Variants in WFDC8 observed in about 807,000 individuals in gnomAD.
WFDC8 encodes the protein WAP four-disulfide core domain 8.
A neutral mutation model predicts 27.0 loss-of-function variants in WFDC8; 24 were observed. The ratio of observed to expected loss-of-function variants is 0.89; its 90% CI spans 0.64 to 1.25. The LOEUF (loss-of-function observed/expected upper bound fraction) is 1.25. Among genes scored for constraint, WFDC8 ranks in the 50% most tolerant of loss-of-function variants. WFDC8 has a pLI of 0.00. For missense variants in WFDC8, 287 were observed against 295.9 expected (o/e 0.97, Z 0.22); for synonymous variants, 106 against 99.7 (o/e 1.06, Z -0.38).
intron 1 of WFDC8, among the ~76,000 whole-genome samples, chr20:45,571,860 T>G (rs1034156792): frequency 2.0e-5 from 3 of 152,242 alleles, no homozygotes; most frequent in South Asian, 2.1e-4. Flanking sequence ...TATACCACTT[T>G]TTTACCCATT....
intron 3 of WFDC8, 116 bp from the exon 4 acceptor site, chr20:45,555,984 A>G (rs938615416): frequency 2.8e-6 from 3 of 1,067,436 alleles, no homozygotes; most frequent in East Asian, 2.5e-5. Flanking sequence ...AAAAGGAGCC[A>G]TGGCAGGGGA....
chr20:45,570,116 C>T (rs1980819107), intron 1 of WFDC8, among the ~76,000 whole-genome samples: 1 of 151,996 alleles, frequency 6.6e-6, no homozygotes, highest in Non-Finnish European at 1.5e-5. Context: ...TCAAAACAAT[C>T]TGTACAACAA....
intron 5 of WFDC8, among the ~76,000 whole-genome samples, chr20:45,552,927 A>G (rs777726571): frequency 6.6e-6 from 1 of 152,234 alleles, no homozygotes; most frequent in Non-Finnish European, 1.5e-5. Flanking sequence ...GAGCAATGCT[A>G]TGAATTACTG....
intron 2 of WFDC8, among the ~76,000 whole-genome samples, chr20:45,560,503 G>GCAT (rs1157741366): frequency 6.6e-6 from 1 of 152,196 alleles, no homozygotes; most frequent in African/African-American, 2.4e-5. Flanking sequence ...TCTAAACTGA[G>GCAT]CATCCCTCCA....
At position 45,571,233 on chromosome 20, in the gene WFDC8, G is replaced by T. The variant is rs183117070; in HGVS notation, c.26+7989C>A. Among the ~76,000 whole-genome samples, 497 of 151,942 alleles carry T rather than the reference G, an allele frequency of 3.3e-3. 3 individuals are homozygous for T. The highest frequency in any genetic ancestry group is 0.011 in the African/African-American group (470 of 41,438). On this transcript the variant is annotated intron_variant, in intron 1 of 5. Transcript: ENST00000289953. ...TTATTTGCCTTTCTTTTTCCAACTT[G>T]AAATGGATCATTGGTCAATTTCATT...
chr20:45,561,472 C>G (rs1476018971), intron 2 of WFDC8, among the ~76,000 whole-genome samples: 2 of 152,188 alleles, frequency 1.3e-5, no homozygotes, highest in African/African-American at 2.4e-5. Context: ...CATTTGGCAT[C>G]AACAGGTCCA....
intron 4 of WFDC8, among the ~76,000 whole-genome samples, chr20:45,553,672 G>T (rs1980130342): frequency 6.6e-6 from 1 of 152,168 alleles, no homozygotes; most frequent in African/African-American, 2.4e-5. Context: ...TTTTGAAAGG[G>T]TCATTGTGAC....
chr20:45,576,687 T>C (rs1477683016), intron 1 of WFDC8, among the ~76,000 whole-genome samples: 2 of 151,540 alleles, frequency 1.3e-5, no homozygotes, highest in Non-Finnish European at 3.0e-5. Flanking sequence ...CGTGAGCCAA[T>C]GTGCCCAGCC....
intron 1 of WFDC8, among the ~76,000 whole-genome samples, chr20:45,564,674 C>CAAAA (rs59225489): frequency 1.7e-5 from 2 of 119,684 alleles, no homozygotes; most frequent in African/African-American, 3.0e-5. Flanking sequence ...GACTCTGTCT[C>CAAAA]AAAAAAAAAA....
chr20:45,562,001 A>G, intron 2 of WFDC8, 109 bp downstream of exon 2: 1 of 1,000,310 alleles, frequency 1.0e-6, no homozygotes, highest in Non-Finnish European at 1.5e-6. Flanking sequence ...TGTGGCCCCA[A>G]ATCCACAGTA....
intron 1 of WFDC8, chr20:45,568,738 A>G: frequency 1.9e-6 from 1 of 515,326 alleles, no homozygotes; most frequent in East Asian, 4.9e-5. Flanking sequence ...ATGGTGACCC[A>G]TGCATAACCA....
At position 45,574,455 on chromosome 20, in the gene WFDC8, C is replaced by CA. The variant is rs34142873; in HGVS notation, c.26+4766dup. 5.5e-3 allele frequency among the ~76,000 whole-genome samples: 690 copies of CA among 126,050 alleles called. 3 individuals carry two copies. Among genetic ancestry groups the CA allele is most frequent in the South Asian group, 0.036 (146 of 4,096 alleles). 82.7% of individuals were successfully genotyped at this position (126,050 alleles called of 152,430 possible). A position where few individuals can be genotyped will look rare whatever the true frequency, so the allele number is the denominator to read the frequency against. ...TGATGTACACAGAGGCAAAAATTCT[C>CA]AAAAAAAAAAAAAGATCAGCAAATT... On this transcript the variant is annotated intron_variant, in intron 1 of 5. Coordinates refer to ENST00000289953, the MANE Select transcript of WFDC8 (RefSeq NM_130896.3).
intron 2 of WFDC8, 49 bp downstream of exon 2, chr20:45,562,061 C>T (rs1309662717): frequency 4.5e-6 from 7 of 1,555,988 alleles, no homozygotes; most frequent in Admixed American, 1.7e-5. Context: ...AACCCTCATC[C>T]CCAATAATGC....
In WFDC8 at chr20:45,565,276, C is replaced by T. The variant is rs138282107; in HGVS notation, c.27-3057G>A. Among the ~76,000 whole-genome samples, 1,123 of 152,254 alleles carry T rather than the reference C, an allele frequency of 7.4e-3. 9 individuals carry two copies. Among genetic ancestry groups the T allele is most frequent in the Admixed American group, 0.016 (247 of 15,300 alleles). ...GTCTACCCATTTGAAATTTTACCTC[C>T]GTCTACCCTTTTGAAAAATGAGTGG... On this transcript the variant is annotated intron_variant, in intron 1 of 5. Transcript: ENST00000289953.
Position 45,554,420 on chromosome 20 carries a change from G to A in WFDC8, c.446-1144C>T, listed in dbSNP as rs963703689. ...AGTGGATTTTAGGAGTCAGATTAGGGCTGGAGACACAACTTTGTGGGTCAT... is the reference window on the plus strand; with the variant it reads ...AGTGGATTTTAGGAGTCAGATTAGGACTGGAGACACAACTTTGTGGGTCAT... On this transcript the variant is annotated intron_variant, in intron 4 of 5. Coordinates refer to ENST00000289953, the MANE Select transcript of WFDC8 (RefSeq NM_130896.3). 3.3e-5 allele frequency among the ~76,000 whole-genome samples: 5 copies of A among 152,134 alleles called. No individual in the cohort carries two copies. The South Asian group carries it at 8.3e-4, about 25-fold the overall frequency.
chr20:45,565,199 A>T (rs1980635967), intron 1 of WFDC8, among the ~76,000 whole-genome samples: 1 of 152,130 alleles, frequency 6.6e-6, no homozygotes, highest in African/African-American at 2.4e-5. Context: ...TTTGATTGAA[A>T]TCCACGCTTC....
chr20:45,566,365 C>T (rs1980675861), intron 1 of WFDC8, among the ~76,000 whole-genome samples: 1 of 152,050 alleles, frequency 6.6e-6, no homozygotes, highest in African/African-American at 2.4e-5. Flanking sequence ...CTCTTGAGAT[C>T]AATAACATAT....
At position 45,577,067 on chromosome 20, in the gene WFDC8, A is replaced by C. The variant is rs1981070071; in HGVS notation, c.26+2155T>G. Among the ~76,000 whole-genome samples, 2 of 151,408 alleles carry C rather than the reference A, an allele frequency of 1.3e-5. 1 individual carries two copies. Among genetic ancestry groups the C allele is most frequent in the Non-Finnish European group, 3.0e-5 (2 of 67,694 alleles). On this transcript the variant is annotated intron_variant, in intron 1 of 5. Transcript: ENST00000289953. ...TCAGGGATATGTGCAGAATGGCAAA[A>C]AATTTGAGTCCCCCAACGTACACAT...
intron 1 of WFDC8, 66 bp from the exon 2 acceptor site, chr20:45,562,285 G>T: frequency 1.5e-6 from 2 of 1,364,606 alleles, no homozygotes; most frequent in East Asian, 2.3e-5. Flanking sequence ...GTGTGTGCAG[G>T]GGAACCTTAG....
Sources: gnomAD v4.1 joint callset for allele counts (sites outside exome capture counted in the v4.1 genomes callset) on GRCh38, gnomAD v4.1.1 for gene constraint, MANE v1.5 for transcripts, NCBI Gene and HGNC (gene_info 2026-07-23, HGNC 2026-07-21) for gene names.